The following KCNIP4 variants were observed in gnomAD, a reference collection of about 807,000 sequenced individuals.
KCNIP4 encodes the protein Kv channel-interacting protein 4.
KCNIP4 carries 12 observed loss-of-function variants against 34.0 expected under a neutral mutation model. The observed-to-expected ratio is 0.35, with a 90% CI of 0.23 to 0.57. KCNIP4 has a LOEUF of 0.57. KCNIP4 is among the 20% of genes least tolerant of loss of function. The pLI, the probability that KCNIP4 is intolerant of heterozygous loss-of-function variation, is 0.83. For missense variants in KCNIP4, 238 were observed against 311.7 expected (o/e 0.76, Z 1.78); for synonymous variants, 124 against 102.2 (o/e 1.21, Z -1.29).
intron 1 of KCNIP4, among the ~76,000 whole-genome samples, chr4:21,011,897 T>C (rs148277909): frequency 1.8e-3 from 279 of 152,332 alleles, no homozygotes; most frequent in African/African-American, 6.4e-3. Flanking sequence ...ATCACTTAGC[T>C]TCTGTGGCAT....
At chr4:21,409,291 C>T (rs2201536) in intron 1 of KCNIP4, among the ~76,000 whole-genome samples, 100,163 of 151,346 alleles carry the variant, frequency 0.66, 34,466 homozygotes, top group African/African-American at 0.85. Context: ...AAAAAAACTT[C>T]TATTTTGGAG....
At chr4:21,513,769 G>A (rs112107485) in intron 1 of KCNIP4, among the ~76,000 whole-genome samples, 8 of 152,018 alleles carry the variant, frequency 5.3e-5, no homozygotes, top group African/African-American at 1.9e-4. Flanking sequence ...ATTGTTTTTA[G>A]TTAGCTGTCA....
chr4:21,054,362 T>C (rs1743214124), intron 1 of KCNIP4, among the ~76,000 whole-genome samples: 2 of 151,160 alleles, frequency 1.3e-5, no homozygotes, highest in Admixed American at 6.6e-5. Context: ...CTACCGAAAA[T>C]ACAAAAATTA....
chr4:20,730,736 G>T (rs1383691611), intron 8 of KCNIP4, among the ~76,000 whole-genome samples: 1 of 152,200 alleles, frequency 6.6e-6, no homozygotes, highest in African/African-American at 2.4e-5. Context: ...CCACTGCTCA[G>T]TGGCTGTGTT....
At chr4:21,133,271 C>T (rs1751225943) in intron 1 of KCNIP4, among the ~76,000 whole-genome samples, 1 of 152,094 alleles carries the variant, frequency 6.6e-6, no homozygotes, top group Admixed American at 6.5e-5. Flanking sequence ...TTTTCAAAAC[C>T]TCCTGGGTTT....
At chr4:21,461,633 T>A (rs1023740041) in intron 1 of KCNIP4, among the ~76,000 whole-genome samples, 1 of 152,074 alleles carries the variant, frequency 6.6e-6, no homozygotes, top group Non-Finnish European at 1.5e-5. Flanking sequence ...GTCTCTAGAC[T>A]TTTTCCTAAC....
intron 1 of KCNIP4, among the ~76,000 whole-genome samples, chr4:21,545,283 AC>A (rs1738045240): frequency 6.6e-6 from 1 of 151,916 alleles, no homozygotes. Flanking sequence ...TTAATAATCC[AC>A]CCCTTGGATA....
intron 1 of KCNIP4, among the ~76,000 whole-genome samples, chr4:21,115,737 TTAG>T (rs1749622516): frequency 6.6e-6 from 1 of 152,160 alleles, no homozygotes; most frequent in South Asian, 2.1e-4. Context: ...AAAGCAAACC[TTAG>T]TAAAGTAATT....
intron 1 of KCNIP4, among the ~76,000 whole-genome samples, chr4:21,516,652 G>A (rs1734789048): frequency 6.6e-6 from 1 of 152,208 alleles, no homozygotes; most frequent in Non-Finnish European, 1.5e-5. Flanking sequence ...GAAAATCTGT[G>A]CAGAACCCTG....
At chr4:20,899,196 G>C (rs73802394) in intron 1 of KCNIP4, among the ~76,000 whole-genome samples, 3,886 of 152,260 alleles carry the variant, frequency 0.026, 142 homozygotes, top group African/African-American at 0.081. Context: ...AAAAGTGTGG[G>C]TAGAAAGATC....
chr4:20,865,649 C>A (rs116817680), intron 2 of KCNIP4, among the ~76,000 whole-genome samples: 2,142 of 151,566 alleles, frequency 0.014, 20 homozygotes, highest in Middle Eastern at 0.024. Flanking sequence ...ACATAAAGAA[C>A]CTAAAAAAAT....
intron 1 of KCNIP4, among the ~76,000 whole-genome samples, chr4:21,625,277 A>G (rs1392438500): frequency 6.6e-6 from 1 of 152,144 alleles, no homozygotes; most frequent in Non-Finnish European, 1.5e-5. Context: ...TCCATAGGGT[A>G]TGCTGAATGT....
chr4:21,655,924 G>A (rs529003788), intron 1 of KCNIP4, among the ~76,000 whole-genome samples: 167 of 152,302 alleles, frequency 1.1e-3, no homozygotes, highest in Non-Finnish European at 2.0e-3. Flanking sequence ...GTAGAGGACA[G>A]TTTATCCTTA....
intron 1 of KCNIP4, among the ~76,000 whole-genome samples, chr4:21,421,747 G>A (rs182675600): frequency 1.9e-4 from 29 of 152,218 alleles, no homozygotes; most frequent in Non-Finnish European, 2.9e-4. Context: ...GACCATAAAT[G>A]TTCTAACCAC....
intron 1 of KCNIP4, among the ~76,000 whole-genome samples, chr4:21,122,127 G>A (rs541309454): frequency 6.6e-6 from 1 of 151,374 alleles, no homozygotes; most frequent in African/African-American, 2.4e-5. Context: ...TCATTTCTCA[G>A]CCAAACAATG....
chr4:21,663,599 C>T (rs1748614706), intron 1 of KCNIP4, among the ~76,000 whole-genome samples: 1 of 152,166 alleles, frequency 6.6e-6, no homozygotes, highest in Non-Finnish European at 1.5e-5. Context: ...GGCCTTGAAC[C>T]TGTGATCCTG....
chr4:21,659,123 A>G (rs1386991186), intron 1 of KCNIP4, among the ~76,000 whole-genome samples: 1 of 152,160 alleles, frequency 6.6e-6, no homozygotes, highest in African/African-American at 2.4e-5. Flanking sequence ...TTTTCTTTCA[A>G]AAGTGTTACT....
intron 1 of KCNIP4, among the ~76,000 whole-genome samples, chr4:21,055,474 T>G (rs893668350): frequency 2.0e-5 from 3 of 152,124 alleles, no homozygotes; most frequent in African/African-American, 7.2e-5. Flanking sequence ...ACATAGATAT[T>G]TATAGTAGGT....
intron 1 of KCNIP4, among the ~76,000 whole-genome samples, chr4:21,726,480 C>A (rs1163462338): frequency 6.6e-6 from 1 of 152,068 alleles, no homozygotes; most frequent in East Asian, 1.9e-4. Context: ...ACCTAGAGCA[C>A]AAGTTAGAAA....
Sources: allele counts gnomAD v4.1 joint callset (sites outside exome capture counted in the v4.1 genomes callset), GRCh38; gene constraint gnomAD v4.1.1; transcripts MANE v1.5; gene names NCBI Gene and HGNC (gene_info 2026-07-23, HGNC 2026-07-21).